Variants in PIK3C2G observed in about 807,000 individuals in gnomAD.
PIK3C2G encodes phosphatidylinositol 3-kinase C2 domain-containing subunit gamma.
A neutral mutation model predicts 181.1 loss-of-function variants in PIK3C2G; 168 were observed. The ratio of observed to expected loss-of-function variants is 0.93; its 90% CI spans 0.82 to 1.05. The LOEUF is 1.05. PIK3C2G is among the 50% of genes least tolerant of loss of function. The pLI, the probability that PIK3C2G is intolerant of heterozygous loss-of-function variation, is 0.00. For synonymous variants in PIK3C2G, 573 were observed against 592.2 expected (o/e 0.97, Z 0.47); for missense variants, 1,869 against 1,732.8 (o/e 1.08, Z -1.40).
intron 11 of PIK3C2G, among the ~76,000 whole-genome samples, chr12:18,353,027 A>G (rs748945535): frequency 9.2e-5 from 14 of 152,256 alleles, no homozygotes; most frequent in Non-Finnish European, 1.9e-4. Flanking sequence ...ACAGGAATGC[A>G]TGTTCTCACT....
At chr12:18,478,214 C>T (rs1223632783) in intron 18 of PIK3C2G, among the ~76,000 whole-genome samples, 4 of 152,178 alleles carry the variant, frequency 2.6e-5, no homozygotes, top group Non-Finnish European at 4.4e-5. Flanking sequence ...ATTGAACTAA[C>T]TTAAAATTCC....
chr12:18,696,322 C>CTATATATA, the PIK3C2G span: 1,735 of 267,380 alleles, frequency 6.5e-3, 87 homozygotes, highest in African/African-American at 0.029. Context: ...TAAAAAGCCA[C>CTATATATA]TATATATATA....
rs1949937516 is a variant in PIK3C2G, at chr12:18,296,283, T to C, written c.1034+2268T>C. Among the ~76,000 whole-genome samples the C allele has an allele frequency of 2.0e-5, 3 of 152,122 alleles. No individual in the cohort carries two copies. In the South Asian group the frequency reaches 6.2e-4, roughly 31 times the overall value. ...CAAAATTATTCTGATATTAACACCGTGTTCTCAAACTTTAAAGTGTCACCT... is the reference window on the plus strand; with the variant it reads ...CAAAATTATTCTGATATTAACACCGCGTTCTCAAACTTTAAAGTGTCACCT... On this transcript the variant is annotated intron_variant, in intron 5 of 32. Transcript: ENST00000538779.
chr12:18,660,450 C>T, the PIK3C2G span, among the ~76,000 whole-genome samples: 689 of 152,206 alleles, frequency 4.5e-3, 8 homozygotes, highest in African/African-American at 0.015. Flanking sequence ...AAAGGGCCAG[C>T]GCCTCGGCAC....
At chr12:18,444,923 A>G (rs1946944521) in intron 18 of PIK3C2G, among the ~76,000 whole-genome samples, 1 of 152,140 alleles carries the variant, frequency 6.6e-6, no homozygotes, top group East Asian at 1.9e-4. Context: ...AAACTATATG[A>G]TACTTGCCAA....
chr12:18,348,211 A>G (rs922873940), intron 11 of PIK3C2G, among the ~76,000 whole-genome samples: 5 of 151,934 alleles, frequency 3.3e-5, no homozygotes, highest in Middle Eastern at 3.2e-3. Flanking sequence ...ATAAATATAT[A>G]TATAAATATA....
intron 18 of PIK3C2G, among the ~76,000 whole-genome samples, chr12:18,427,231 C>T (rs1331164259): frequency 2.0e-5 from 3 of 151,508 alleles, no homozygotes; most frequent in East Asian, 1.9e-4. Flanking sequence ...TTTAGGCGGG[C>T]GTGGTGGCTC....
chr12:18,287,523 T>C (rs888767078), intron 3 of PIK3C2G, among the ~76,000 whole-genome samples: 1 of 152,222 alleles, frequency 6.6e-6, no homozygotes, highest in Non-Finnish European at 1.5e-5. Context: ...TATATAGTTC[T>C]ACCTCTTCTG....
At chr12:18,715,333 T>G in the PIK3C2G span, among the ~76,000 whole-genome samples, 1 of 151,946 alleles carries the variant, frequency 6.6e-6, no homozygotes, top group African/African-American at 2.4e-5. Flanking sequence ...CTTGGAGGCT[T>G]CACCAACCAA....
the PIK3C2G span, among the ~76,000 whole-genome samples, chr12:18,711,831 A>G: frequency 1.4e-4 from 22 of 152,184 alleles, no homozygotes; most frequent in Non-Finnish European, 2.5e-4. Context: ...ACTGGAGTAG[A>G]AATAAATAAA....
chr12:18,465,324 GT>G (rs1257374564), intron 18 of PIK3C2G, among the ~76,000 whole-genome samples: 3 of 151,790 alleles, frequency 2.0e-5, no homozygotes, highest in Non-Finnish European at 4.4e-5. Flanking sequence ...AGGTATCAGA[GT>G]TCTATTTTAC....
intron 26 of PIK3C2G, among the ~76,000 whole-genome samples, chr12:18,560,319 A>C (rs2136325765): frequency 6.6e-6 from 1 of 152,194 alleles, no homozygotes; most frequent in Non-Finnish European, 1.5e-5. Context: ...GCAAAATAAT[A>C]TCCTTAAAAA....
intron 5 of PIK3C2G, among the ~76,000 whole-genome samples, chr12:18,313,047 A>G (rs1452193268): frequency 6.6e-6 from 1 of 152,074 alleles, no homozygotes; most frequent in Non-Finnish European, 1.5e-5. Flanking sequence ...TCCTCCTGAA[A>G]TCCTTCATAT....
intron 11 of PIK3C2G, among the ~76,000 whole-genome samples, chr12:18,353,914 T>C (rs932365136): frequency 6.6e-6 from 1 of 152,198 alleles, no homozygotes; most frequent in Non-Finnish European, 1.5e-5. Flanking sequence ...TCCTCCATTA[T>C]GCACACCTGT....
chr12:18,274,641 C>G lies in PIK3C2G; in HGVS notation c.-78-7363C>G, dbSNP rs1040992206. Among the ~76,000 whole-genome samples, 90 of 151,442 alleles carry G rather than the reference C, an allele frequency of 5.9e-4. 1 individual carries two copies. The highest frequency in any genetic ancestry group is 2.1e-3 in the African/African-American group (88 of 41,306). ...ACACAGGAAGGGGAACATCACACCCCAGGGACTGTTGTGGGGTGGGGGCAG... is the reference window on the plus strand; with the variant it reads ...ACACAGGAAGGGGAACATCACACCCGAGGGACTGTTGTGGGGTGGGGGCAG... On this transcript the variant is annotated intron_variant, in intron 1 of 32. Coordinates refer to ENST00000538779, the MANE Select transcript of PIK3C2G (RefSeq NM_001288772.2).
At chr12:18,265,470 C>T (rs16914064) in intron 1 of PIK3C2G, among the ~76,000 whole-genome samples, 7,514 of 152,086 alleles carry the variant, frequency 0.049, 337 homozygotes, top group East Asian at 0.17. Flanking sequence ...CCAGAAGCCT[C>T]CATTAATTCA....
At chr12:18,589,366 A>G (rs749638560) in intron 29 of PIK3C2G, among the ~76,000 whole-genome samples, 5 of 152,056 alleles carry the variant, frequency 3.3e-5, no homozygotes, top group Admixed American at 6.6e-5. Context: ...AATTTGAGAT[A>G]GAAAGCAGAA....
intron 29 of PIK3C2G, among the ~76,000 whole-genome samples, chr12:18,586,184 A>AC (rs1186694777): frequency 6.6e-6 from 1 of 151,950 alleles, no homozygotes; most frequent in Non-Finnish European, 1.5e-5. Context: ...CAGAAGAGTA[A>AC]CCAGATAAGA....
At chr12:18,494,268 T>C (rs1196450953) in intron 20 of PIK3C2G, among the ~76,000 whole-genome samples, 1 of 152,174 alleles carries the variant, frequency 6.6e-6, no homozygotes, top group African/African-American at 2.4e-5. Flanking sequence ...TTCTGTCTAT[T>C]TGCTAATCTA....
Sources: gnomAD v4.1 joint callset for allele counts (sites outside exome capture counted in the v4.1 genomes callset) on GRCh38, gnomAD v4.1.1 for gene constraint, MANE v1.5 for transcripts, NCBI Gene and HGNC (gene_info 2026-07-23, HGNC 2026-07-21) for gene names.